SPOCK1: variants seen among roughly 807,000 people sequenced by gnomAD.
SPOCK1 encodes SPARC (osteonectin), cwcv and kazal like domains proteoglycan 1, also known as testican-1.
A neutral mutation model predicts 55.3 loss-of-function variants in SPOCK1; 23 were observed. The ratio of observed to expected loss-of-function variants is 0.42; its 90% CI spans 0.30 to 0.59. The LOEUF (loss-of-function observed/expected upper bound fraction) is 0.59, where lower values mean the gene tolerates loss of function less well. Ranked by LOEUF, SPOCK1 falls within the 20% of genes least tolerant of loss-of-function variation. SPOCK1 has a pLI of 0.22. For synonymous variants in SPOCK1, 226 were observed against 221.0 expected (o/e 1.02, Z -0.20); for missense variants, 499 against 552.5 (o/e 0.90, Z 0.97).
chr5:137,075,973 C>T (rs867677558), intron 5 of SPOCK1, among the ~76,000 whole-genome samples: 8 of 152,190 alleles, frequency 5.3e-5, no homozygotes, highest in Non-Finnish European at 8.8e-5. Flanking sequence ...ACTGGGATTT[C>T]GGAGAATAGT....
At chr5:137,034,248 CAG>C (rs1177583506) in intron 6 of SPOCK1, among the ~76,000 whole-genome samples, 2 of 152,176 alleles carry the variant, frequency 1.3e-5, no homozygotes, top group Admixed American at 6.5e-5. Context: ...AGCTTTTCAA[CAG>C]AGAGTGAAGA....
At chr5:137,393,733 T>G (rs1273981389) in intron 2 of SPOCK1, among the ~76,000 whole-genome samples, 2 of 152,228 alleles carry the variant, frequency 1.3e-5, no homozygotes, top group South Asian at 4.1e-4. Context: ...CCAGCCTAGC[T>G]GACAATGTTC....
At chr5:137,211,626 A>G (rs986285352) in intron 3 of SPOCK1, among the ~76,000 whole-genome samples, 1 of 152,084 alleles carries the variant, frequency 6.6e-6, no homozygotes, top group African/African-American at 2.4e-5. Context: ...TAGCTTCAAG[A>G]TGGGGACTGG....
intron 6 of SPOCK1, among the ~76,000 whole-genome samples, chr5:137,034,831 G>A (rs1751849623): frequency 6.6e-6 from 1 of 152,224 alleles, no homozygotes; most frequent in South Asian, 2.1e-4. Flanking sequence ...AGGCTGGTGT[G>A]GACAGTGGCA....
At chr5:137,111,595 T>G (rs895571056) in intron 5 of SPOCK1, among the ~76,000 whole-genome samples, 1 of 152,120 alleles carries the variant, frequency 6.6e-6, no homozygotes, top group African/African-American at 2.4e-5. Flanking sequence ...TTCCCTTTAG[T>G]TCATTATCCT....
chr5:137,408,682 C>T (rs1344766321), intron 2 of SPOCK1, among the ~76,000 whole-genome samples: 1 of 152,166 alleles, frequency 6.6e-6, no homozygotes, highest in Non-Finnish European at 1.5e-5. Context: ...AACTGCATAA[C>T]TCTTAAGGCT....
At chr5:137,310,244 T>C (rs1022756415) in intron 2 of SPOCK1, among the ~76,000 whole-genome samples, 1 of 152,144 alleles carries the variant, frequency 6.6e-6, no homozygotes, top group African/African-American at 2.4e-5. Context: ...GCTCCCAGCA[T>C]GGGCAGTCTC....
intron 2 of SPOCK1, among the ~76,000 whole-genome samples, chr5:137,397,995 G>C (rs1751892460): frequency 6.6e-6 from 1 of 152,100 alleles, no homozygotes; most frequent in African/African-American, 2.4e-5. Flanking sequence ...GAAGGAAGAT[G>C]AACTACTAGG....
chr5:137,454,815 C>A (rs1393873095), intron 2 of SPOCK1, among the ~76,000 whole-genome samples: 1 of 152,152 alleles, frequency 6.6e-6, no homozygotes, highest in African/African-American at 2.4e-5. Context: ...CAATCCAAGA[C>A]CAAGAATGCT....
At chr5:137,206,001 C>A (rs1182842824) in intron 3 of SPOCK1, among the ~76,000 whole-genome samples, 1 of 152,130 alleles carries the variant, frequency 6.6e-6, no homozygotes, top group Non-Finnish European at 1.5e-5. Flanking sequence ...AATGGCAAAG[C>A]CAGGGTGAGA....
At chr5:137,126,072 C>G (rs1161505937) in intron 4 of SPOCK1, among the ~76,000 whole-genome samples, 2 of 152,218 alleles carry the variant, frequency 1.3e-5, no homozygotes, top group African/African-American at 2.4e-5. Flanking sequence ...CTAATGTAAG[C>G]TGTTTGGGTC....
intron 2 of SPOCK1, among the ~76,000 whole-genome samples, chr5:137,341,874 G>A (rs539995175): frequency 5.9e-5 from 9 of 152,294 alleles, no homozygotes; most frequent in East Asian, 5.8e-4. Flanking sequence ...AATGTGTCAC[G>A]GGAAGAAAAC....
chr5:137,024,656 T>TA (rs368414641), intron 6 of SPOCK1, among the ~76,000 whole-genome samples: 4 of 133,540 alleles, frequency 3.0e-5, no homozygotes, highest in Admixed American at 7.3e-5. Context: ...AAGGGGAAAA[T>TA]AAAAAAAATT....
chr5:137,194,865 G>C (rs557201309), intron 3 of SPOCK1, among the ~76,000 whole-genome samples: 4 of 152,280 alleles, frequency 2.6e-5, no homozygotes, highest in Admixed American at 2.6e-4. Context: ...TTTCTGGTCA[G>C]AGCCTTCAGA....
At chr5:137,095,554 C>T (rs74767767) in intron 5 of SPOCK1, among the ~76,000 whole-genome samples, 13,253 of 152,186 alleles carry the variant, frequency 0.087, 769 homozygotes, top group East Asian at 0.23. Flanking sequence ...CAGAATTGTG[C>T]ATCCCAAGGT....
chr5:137,308,847 T>G (rs923567654), intron 2 of SPOCK1, among the ~76,000 whole-genome samples: 1 of 152,126 alleles, frequency 6.6e-6, no homozygotes, highest in African/African-American at 2.4e-5. Flanking sequence ...AACATACTGA[T>G]GTATAAAGAT....
intron 3 of SPOCK1, among the ~76,000 whole-genome samples, chr5:137,150,776 T>C (rs1267468050): frequency 6.6e-6 from 1 of 152,120 alleles, no homozygotes; most frequent in Non-Finnish European, 1.5e-5. Flanking sequence ...CAGGTGTTAA[T>C]TGAACAGGAA....
In SPOCK1 at chr5:136,988,414, C is replaced by T; in HGVS notation, c.928+8G>A. ...GGCTAGGGACCCCAACCCTCCATCCCACCTTACCTCCAGGCTTCTGGAAGC... is the reference window on the plus strand; with the variant it reads ...GGCTAGGGACCCCAACCCTCCATCCTACCTTACCTCCAGGCTTCTGGAAGC... On this transcript the variant is annotated splice_region_variant and intron_variant, in intron 8 of 10. Transcript: ENST00000394945. 6.2e-7 allele frequency: 1 copy of T among 1,612,168 alleles called. No individual in the cohort carries two copies. The highest frequency in any genetic ancestry group is 2.2e-5 in the East Asian group (1 of 44,806).
intron 6 of SPOCK1, among the ~76,000 whole-genome samples, chr5:137,056,050 C>T (rs74700393): frequency 0.025 from 3,802 of 152,228 alleles, 81 homozygotes; most frequent in East Asian, 0.095. Flanking sequence ...ACAGTAAGAC[C>T]CTATACATTT....
Sources: gnomAD v4.1 joint callset for allele counts (sites outside exome capture counted in the v4.1 genomes callset) on GRCh38, gnomAD v4.1.1 for gene constraint, MANE v1.5 for transcripts, NCBI Gene and HGNC (gene_info 2026-07-23, HGNC 2026-07-21) for gene names.